The following WDPCP variants were observed in gnomAD, a reference collection of about 807,000 sequenced individuals.
WDPCP encodes the protein WD repeat containing planar cell polarity effector, also known as WD repeat-containing and planar cell polarity effector protein fritz homolog.
Under a neutral mutation model 93.1 loss-of-function variants are expected in WDPCP, and 71 were observed. That is an observed-to-expected ratio of 0.76 (90% CI 0.63 to 0.93). WDPCP has a LOEUF of 0.93. Ranked by LOEUF, WDPCP falls within the 40% of genes least tolerant of loss-of-function variation. The probability of loss-of-function intolerance (pLI) is 0.00; values close to 1 mark genes in which losing one functional copy is unlikely to be tolerated. For synonymous variants in WDPCP, 315 were observed against 315.0 expected (o/e 1.00, Z 0.00); for missense variants, 844 against 887.4 (o/e 0.95, Z 0.62).
intron 9 of WDPCP, among the ~76,000 whole-genome samples, chr2:63,407,222 G>A (rs1223765564): frequency 6.6e-6 from 1 of 152,076 alleles, no homozygotes; most frequent in African/African-American, 2.4e-5. Flanking sequence ...TGTGGGAAAG[G>A]AGAGCTTCAA....
chr2:63,182,249 T>A (rs1022233093), intron 14 of WDPCP, among the ~76,000 whole-genome samples: 6 of 152,130 alleles, frequency 3.9e-5, no homozygotes, highest in Non-Finnish European at 8.8e-5. Context: ...TGCTTTCAAA[T>A]TTTCCCTGTT....
intron 2 of WDPCP, among the ~76,000 whole-genome samples, chr2:63,670,728 C>G (rs1408431260): frequency 6.6e-6 from 1 of 152,168 alleles, no homozygotes; most frequent in Admixed American, 6.5e-5. Flanking sequence ...CAACTTGCCT[C>G]AAGGTCTGGG....
At chr2:63,315,869 A>C (rs1686595618) in intron 12 of WDPCP, among the ~76,000 whole-genome samples, 2 of 151,952 alleles carry the variant, frequency 1.3e-5, no homozygotes, top group African/African-American at 4.8e-5. Context: ...CGAGTGTCTT[A>C]GAAGACCTTG....
chr2:63,547,828 G>A (rs1222602992), intron 1 of WDPCP, among the ~76,000 whole-genome samples: 2 of 151,846 alleles, frequency 1.3e-5, no homozygotes, highest in Non-Finnish European at 2.9e-5. Context: ...GGTGGGGGAT[G>A]ATGAAGAGCA....
At chr2:63,808,599 C>G (rs1670808056) in intron 2 of WDPCP, among the ~76,000 whole-genome samples, 1 of 152,258 alleles carries the variant, frequency 6.6e-6, no homozygotes. Context: ...CAGCCTCGGC[C>G]TCCCGAGGTG....
chr2:63,288,558 G>A (rs985355240), intron 13 of WDPCP, among the ~76,000 whole-genome samples: 25 of 152,154 alleles, frequency 1.6e-4, no homozygotes, highest in South Asian at 1.0e-3. Flanking sequence ...TTCAAGTACA[G>A]TACAAAGATC....
chr2:63,813,057 G>A (rs998647813), intron 2 of WDPCP, among the ~76,000 whole-genome samples: 3 of 151,956 alleles, frequency 2.0e-5, no homozygotes, highest in African/African-American at 4.8e-5. Flanking sequence ...GTCTCACTAC[G>A]TTGCCCAGGT....
chr2:63,709,289 T>A (rs968310810), intron 2 of WDPCP, among the ~76,000 whole-genome samples: 2 of 152,036 alleles, frequency 1.3e-5, no homozygotes, highest in Non-Finnish European at 1.5e-5. Context: ...CACTCTAGCC[T>A]GGGTAACAGA....
chr2:63,213,455 C>G (rs1395948132), intron 14 of WDPCP, among the ~76,000 whole-genome samples: 1 of 152,208 alleles, frequency 6.6e-6, no homozygotes, highest in African/African-American at 2.4e-5. Context: ...ACCAGAATCT[C>G]TGGGACACAT....
intron 10 of WDPCP, among the ~76,000 whole-genome samples, chr2:63,394,444 G>A (rs1693546080): frequency 6.6e-6 from 1 of 152,002 alleles, no homozygotes; most frequent in Non-Finnish European, 1.5e-5. Flanking sequence ...TAGTGGGAAC[G>A]TAAATTAGCT....
intron 2 of WDPCP, among the ~76,000 whole-genome samples, chr2:63,715,184 A>G (rs1669320001): frequency 1.3e-5 from 2 of 152,186 alleles, no homozygotes; most frequent in Non-Finnish European, 2.9e-5. Flanking sequence ...TGGGGTGATA[A>G]AATATTTTGG....
intron 2 of WDPCP, among the ~76,000 whole-genome samples, chr2:63,789,968 T>C (rs951382290): frequency 1.3e-5 from 2 of 152,220 alleles, no homozygotes; most frequent in Non-Finnish European, 2.9e-5. Flanking sequence ...AATTGTGATA[T>C]TGTTATTCTA....
intron 13 of WDPCP, among the ~76,000 whole-genome samples, chr2:63,301,549 C>G (rs1045471288): frequency 1.3e-5 from 2 of 152,158 alleles, no homozygotes; most frequent in African/African-American, 4.8e-5. Context: ...GCAGGTCACA[C>G]AAATCTAGGA....
intron 2 of WDPCP, among the ~76,000 whole-genome samples, chr2:63,665,301 C>G (rs895199431): frequency 6.6e-6 from 1 of 152,178 alleles, no homozygotes; most frequent in African/African-American, 2.4e-5. Context: ...TCTTTCCTAG[C>G]ATCTGGTGGT....
At chr2:63,497,516 G>GA (rs1363881474) in intron 1 of WDPCP, among the ~76,000 whole-genome samples, 3 of 152,074 alleles carry the variant, frequency 2.0e-5, no homozygotes, top group Admixed American at 6.5e-5. Flanking sequence ...TATCTGCCAA[G>GA]AAAACCAGGT....
At chr2:63,648,195 T>G (rs368754171) in intron 3 of WDPCP, among the ~76,000 whole-genome samples, 2 of 152,200 alleles carry the variant, frequency 1.3e-5, no homozygotes, top group Non-Finnish European at 2.9e-5. Context: ...CTGTCAGGCA[T>G]GTGACAAATC....
chr2:63,613,861 CA>C (rs1709644975), intron 3 of WDPCP, among the ~76,000 whole-genome samples: 1 of 152,124 alleles, frequency 6.6e-6, no homozygotes, highest in Non-Finnish European at 1.5e-5. Flanking sequence ...AAACTTCTTT[CA>C]AAAGAAATGC....
chr2:63,144,255 AC>A (rs1671307254), intron 17 of WDPCP, among the ~76,000 whole-genome samples: 2 of 141,156 alleles, frequency 1.4e-5, no homozygotes, highest in Admixed American at 7.3e-5. Context: ...CAGAGCATTT[AC>A]CCTTTTTATT....
At chr2:63,159,071 G>A (rs781308829) in intron 15 of WDPCP, among the ~76,000 whole-genome samples, 32 of 150,532 alleles carry the variant, frequency 2.1e-4, no homozygotes, top group Admixed American at 8.6e-4. Context: ...CAGGAGGATC[G>A]CTTGAGCCCA....
Sources: allele counts gnomAD v4.1 joint callset (sites outside exome capture counted in the v4.1 genomes callset), GRCh38; gene constraint gnomAD v4.1.1; transcripts MANE v1.5; gene names NCBI Gene and HGNC (gene_info 2026-07-23, HGNC 2026-07-21).